The following MYO18A variants were observed in gnomAD, a reference collection of about 807,000 sequenced individuals.
The protein encoded by MYO18A is myosin XVIIIA.
MYO18A carries 78 observed loss-of-function variants against 235.8 expected under a neutral mutation model. The ratio of observed to expected loss-of-function variants is 0.33; its 90% confidence interval spans 0.28 to 0.40. The LOEUF (loss-of-function observed/expected upper bound fraction) is 0.40. MYO18A is among the 10% of genes least tolerant of loss of function. MYO18A has a pLI of 1.00. For missense variants in MYO18A, 2,215 were observed against 2,699.3 expected, an observed-to-expected ratio of 0.82 and a Z score of 3.98; for synonymous variants, 977 against 1,077.8, an observed-to-expected ratio of 0.91 and a Z score of 1.83.
intron 18 of MYO18A, 72 bp downstream of exon 18, chr17:29,110,364 G>A: frequency 6.8e-7 from 1 of 1,467,010 alleles, no homozygotes; most frequent in Non-Finnish European, 9.1e-7. Flanking sequence ...TGTGCTCGGA[G>A]TCCCCAGGCC....
At chr17:29,137,233 C>G (rs906318180) in intron 2 of MYO18A, 1 of 152,200 alleles carries the variant, frequency 6.6e-6, no homozygotes, top group Non-Finnish European at 1.5e-5. Flanking sequence ...GCAGAACTTA[C>G]CCATCTTACT....
In MYO18A at chr17:29,110,456, T is replaced by G; in HGVS notation, c.3067A>C (p.Ile1023Leu). The part of the protein sequence containing the change: ...MAAVKKKSLC[I>L]QMKLQVDALI... Reference sequence around the variant, plus strand: ...CTCACCACCTGTAGCTTCATCTGGATGCACAGTGACTTCTTTTTGACAGCC... The same window carrying G: ...CTCACCACCTGTAGCTTCATCTGGAGGCACAGTGACTTCTTTTTGACAGCC... The change falls in exon 18 of 42, where the codon ATC (isoleucine) becomes CTC (leucine). Residue 1023 changes from isoleucine (I) to leucine (L), a missense_variant. Physicochemically the swap from Ile to Leu is conservative, Grantham distance 5 (BLOSUM62 2). Transcript: ENST00000527372. 1 of 1,592,700 alleles carries G rather than the reference T, an allele frequency of 6.3e-7. No homozygotes were observed. The highest frequency in any genetic ancestry group is 8.5e-7 in the Non-Finnish European group (1 of 1,170,152).
chr17:29,152,513 A>G (rs1267215075), intron 2 of MYO18A, among the ~76,000 whole-genome samples: 1 of 152,172 alleles, frequency 6.6e-6, no homozygotes. Flanking sequence ...GAGTAAGCTT[A>G]GGCCTGTTCC....
chr17:29,088,350 A>C (rs11656125), intron 37 of MYO18A, among the ~76,000 whole-genome samples: 1 of 151,820 alleles, frequency 6.6e-6, no homozygotes, highest in Non-Finnish European at 1.5e-5. Context: ...CACCGCGCCC[A>C]GCCGAAAATA....
In MYO18A at chr17:29,098,370, G is replaced by T. The variant is rs1425559972; in HGVS notation, c.3856C>A (p.Arg1286=). ...ERNELRLNSD[R]LESRISELTS... ...GAGTCACTCACCCGGCTCTCCAGCC[G>T]GTCACTGTTGAGCCGCAGCTCGTTC... Residue 1286 remains arginine (R), a synonymous_variant, in exon 24 of 42, where the codon CGG becomes AGG. Transcript: ENST00000527372. 1 of 1,613,836 alleles carries T rather than the reference G, an allele frequency of 6.2e-7. No individual in the cohort carries two copies. The highest frequency in any genetic ancestry group is 2.2e-5 in the East Asian group (1 of 44,876).
chr17:29,111,149 G>GGGCT lies in MYO18A; in HGVS notation c.2900+271_2900+274dup, dbSNP rs547569319. 2.2e-3 allele frequency among the ~76,000 whole-genome samples: 331 copies of GGGCT among 152,192 alleles called. 1 individual carries two copies. Among genetic ancestry groups the GGGCT allele is most frequent in the African/African-American group, 7.3e-3 (302 of 41,514 alleles). On this transcript the variant is annotated intron_variant, in intron 17 of 41. Coordinates refer to ENST00000527372, the MANE Select transcript of MYO18A (RefSeq NM_078471.4). The surrounding 1 kb of genome is among the most constrained non-coding windows in gnomAD (Gnocchi z 5.1). ...AGTAGAACGGATGACAGGGCCCGTG[G>GGGCT]GGCTGGGGGTTCTAAGGCCGCTCCT...
At chr17:29,159,763 TAC>T (rs777566404) in intron 2 of MYO18A, among the ~76,000 whole-genome samples, 1 of 152,232 alleles carries the variant, frequency 6.6e-6, no homozygotes, top group Non-Finnish European at 1.5e-5. Context: ...ATGAGGCTCA[TAC>T]AGTTTCTACC....
At chr17:29,162,852 G>A (rs1372390633) in intron 2 of MYO18A, among the ~76,000 whole-genome samples, 4 of 152,190 alleles carry the variant, frequency 2.6e-5, no homozygotes, top group Non-Finnish European at 5.9e-5. Context: ...CCTGCTCCCA[G>A]CGGAACCTCA....
intron 2 of MYO18A, among the ~76,000 whole-genome samples, chr17:29,148,859 C>T (rs995752153): frequency 2.6e-5 from 4 of 152,210 alleles, no homozygotes; most frequent in African/African-American, 9.6e-5. Flanking sequence ...CAGCACCCTA[C>T]GCACGGGTCA....
chr17:29,091,091 T>G, intron 34 of MYO18A, 165 bp from the exon 35 acceptor site: 1 of 603,416 alleles, frequency 1.7e-6, no homozygotes, highest in East Asian at 2.8e-5. Flanking sequence ...CCTGTCCCGC[T>G]CTGGACCAGG....
Position 29,092,936 on chromosome 17 carries a change from C to A in MYO18A, c.4992G>T (p.Leu1664=). ...LRKDLKRTKA[L]LADAQLMLDH... is the part of the protein sequence containing the mutation. Reference sequence around the variant, plus strand: ...CCAGCATGAGCTGGGCATCTGCCAGCAGGGCCTTGGTGCGCTTCAGGTCCT... The same window carrying A: ...CCAGCATGAGCTGGGCATCTGCCAGAAGGGCCTTGGTGCGCTTCAGGTCCT... The change falls in exon 33 of 42, where the codon CTG becomes CTT. Residue 1664 remains leucine (L), a synonymous_variant. Transcript: ENST00000527372. 1 of 1,613,944 alleles carries A rather than the reference C, an allele frequency of 6.2e-7. No homozygotes were observed. The highest frequency in any genetic ancestry group is 8.5e-7 in the Non-Finnish European group (1 of 1,179,882).
At position 29,140,656 on chromosome 17, in the gene MYO18A, T is replaced by C. The variant is rs2067717428; in HGVS notation, c.1000-18403A>G. The C allele has an allele frequency of 5.3e-6, 1 of 190,236 alleles. No homozygotes were observed. Among genetic ancestry groups the C allele is most frequent in the Non-Finnish European group, 1.1e-5 (1 of 87,880 alleles). 11.8% of individuals were successfully genotyped at this position (190,236 alleles called of 1,614,324 possible). A position where few individuals can be genotyped will look rare whatever the true frequency, so the allele number is the denominator to read the frequency against. On this transcript the variant is annotated intron_variant, in intron 2 of 41. Coordinates refer to ENST00000527372, the MANE Select transcript of MYO18A (RefSeq NM_078471.4). This position sits in a 1 kb window ranked among gnomAD's most constrained non-coding sequence, Gnocchi z 4.2. ...AGGGCAAGGACAGGGAGGGTGAGACTTGCCTATGGACACACACCCCAGCTC... is the reference window on the plus strand; with the variant it reads ...AGGGCAAGGACAGGGAGGGTGAGACCTGCCTATGGACACACACCCCAGCTC...
intron 1 of MYO18A, among the ~76,000 whole-genome samples, chr17:29,169,680 T>C (rs1214582265): frequency 6.6e-6 from 1 of 152,142 alleles, no homozygotes; most frequent in Admixed American, 6.5e-5. Context: ...CCAGGGGCAC[T>C]TGTGGAAGAA....
Position 29,098,213 on chromosome 17 carries a change from C to T in MYO18A, c.3882G>A (p.Leu1294=). The change falls in exon 25 of 42, where the codon CTG becomes CTA. Residue 1294 remains leucine (L), a synonymous_variant. Transcript: ENST00000527372. The stretch of plus-strand genomic sequence containing the variant: ...TACGCTCATCTGTCAGCTCCGATGT[C>T]AGCTCTGAGATCTGGGGTTGGGGGT... ...SDRLESRISE[L]TSELTDERNT... is the part of the protein sequence containing the mutation. 6.2e-7 allele frequency: 1 copy of T among 1,614,006 alleles called. No individual in the cohort carries two copies. The highest frequency in any genetic ancestry group is 8.5e-7 in the Non-Finnish European group (1 of 1,179,876).
At position 29,110,376 on chromosome 17, in the gene MYO18A, G is replaced by A. The variant is rs969614889; in HGVS notation, c.3087+60C>T. 12 of 1,500,860 alleles carry A rather than the reference G, an allele frequency of 8.0e-6. No homozygotes were observed. The Admixed American group carries it at 2.3e-4, about 29-fold the overall frequency. The allele number at this position is 1,500,860 out of a possible 1,614,324, so 93.0% of individuals were successfully genotyped here. On this transcript the variant is annotated intron_variant, in intron 18 of 41. Transcript: ENST00000527372. Reference sequence around the variant, plus strand: ...CAGTGTGCTCGGAGTCCCCAGGCCTGCCTACCAGGGGTAAGGAAGGGTCCC... The same window carrying A: ...CAGTGTGCTCGGAGTCCCCAGGCCTACCTACCAGGGGTAAGGAAGGGTCCC...
At position 29,125,519 on chromosome 17, in the gene MYO18A, G is replaced by C. The variant is rs1162824245; in HGVS notation, c.1000-3266C>G. Reference sequence around the variant, plus strand: ...GATGTTACCTGTTAGAAATCGGCAAGGAGTTATCAGGCCCCACCTGGGTCT... The same window carrying C: ...GATGTTACCTGTTAGAAATCGGCAACGAGTTATCAGGCCCCACCTGGGTCT... On this transcript the variant is annotated intron_variant, in intron 2 of 41. Coordinates refer to ENST00000527372, the MANE Select transcript of MYO18A (RefSeq NM_078471.4). The surrounding 1 kb of genome is among the most constrained non-coding windows in gnomAD (Gnocchi z 5.1). Among the ~76,000 whole-genome samples, 1 of 152,246 alleles carries C rather than the reference G, an allele frequency of 6.6e-6. No individual in the cohort carries two copies. Among genetic ancestry groups the C allele is most frequent in the East Asian group, 1.9e-4 (1 of 5,202 alleles).
Position 29,098,345 on chromosome 17 carries a change from G to C in MYO18A, c.3870+11C>G, listed in dbSNP as rs752281209. ...CCATGCCCAGTCGGTGTGGTGCCAG[G>C]AGTCACTCACCCGGCTCTCCAGCCG... On this transcript the variant is annotated intron_variant, in intron 24 of 41. Transcript: ENST00000527372. 4 of 1,613,492 alleles carry C rather than the reference G, an allele frequency of 2.5e-6. No individual in the cohort carries two copies. The highest frequency in any genetic ancestry group is 2.2e-5 in the East Asian group (1 of 44,892).
chr17:29,133,151 T>C (rs1033834990), intron 2 of MYO18A, among the ~76,000 whole-genome samples: 19 of 152,326 alleles, frequency 1.2e-4, no homozygotes, highest in African/African-American at 3.8e-4. Context: ...AGGTGTGGCA[T>C]TGGGGAAAAC....
At chr17:29,108,460 A>T (rs1186859723) in intron 19 of MYO18A, among the ~76,000 whole-genome samples, 1 of 152,194 alleles carries the variant, frequency 6.6e-6, no homozygotes, top group Non-Finnish European at 1.5e-5. Flanking sequence ...CCAGAAAGGG[A>T]TCTTAAGCCA....
Sources: allele counts gnomAD v4.1 joint callset (sites outside exome capture counted in the v4.1 genomes callset), GRCh38; gene constraint gnomAD v4.1.1; non-coding constraint Gnocchi (gnomAD v3.1); transcripts MANE v1.5; gene names NCBI Gene and HGNC (gene_info 2026-07-23, HGNC 2026-07-21).